KLHL13: variants seen among roughly 807,000 people sequenced by gnomAD.
The protein encoded by KLHL13 is kelch like family member 13.
Under a neutral mutation model 37.1 loss-of-function variants are expected in KLHL13, and 10 were observed. That is an observed-to-expected ratio of 0.27 (90% CI 0.17 to 0.46). The LOEUF is 0.46. Among genes scored for constraint, KLHL13 ranks in the 20% least tolerant of loss-of-function variants. The pLI is 1.00. For synonymous variants in KLHL13, 163 were observed against 181.2 expected, an observed-to-expected ratio of 0.90 and a Z score of 0.81; for missense variants, 360 against 509.3, an observed-to-expected ratio of 0.71 and a Z score of 2.82.
At chrX:117,973,309 C>T (rs928018278) in exon 1 of KLHL13, 1 of 969,228 alleles carries the variant, frequency 1.0e-6, no homozygotes, top group Admixed American at 3.0e-5. Flanking sequence ...CAACAACATA[C>T]CTACTCAGAA....
At chrX:118,022,263 A>G (rs1384479839) in intron 1 of KLHL13, among the ~76,000 whole-genome samples, 1 of 111,862 alleles carries the variant, frequency 8.9e-6, no homozygotes, top group Non-Finnish European at 1.9e-5. Context: ...AGTTGTTTCC[A>G]TATCTTAGCT....
At chrX:117,913,699 C>T (rs935766898) in intron 4 of KLHL13, among the ~76,000 whole-genome samples, 2 of 110,637 alleles carry the variant, frequency 1.8e-5, no homozygotes, top group African/African-American at 3.3e-5. Context: ...AAAAATTAGC[C>T]GGACGTGGTG....
rs1375097716 is a variant in KLHL13 at position 118,014,847 on chromosome X, G to T, written c.-55-69272C>A. Among the ~76,000 whole-genome samples the T allele has an allele frequency of 5.3e-5, 6 of 112,393 alleles. No homozygotes were observed. In the Admixed American group the frequency reaches 5.7e-4, roughly 11 times the overall value. ...AATATCTAATATTAAGACATTGTTT[G>T]TACCACAGAATGGCTTATGCCATGC... On this transcript the variant is annotated intron_variant, in intron 1 of 6. Transcript: ENST00000371882.
At position 118,025,843 on chromosome X, in the gene KLHL13, T is replaced by C. The variant is rs751609238; in HGVS notation, c.-55-80268A>G. On this transcript the variant is annotated intron_variant, in intron 1 of 6. Transcript: ENST00000371882. Reference sequence around the variant, plus strand: ...GAAGGAAGAAGCAGCTTGTGCTAGTTCTGCTGTCACACTCAAACTGCAAAA... The same window carrying C: ...GAAGGAAGAAGCAGCTTGTGCTAGTCCTGCTGTCACACTCAAACTGCAAAA... Among the ~76,000 whole-genome samples, 219 of 112,367 alleles carry C rather than the reference T, an allele frequency of 1.9e-3. 1 individual carries two copies. The highest frequency in any genetic ancestry group is 3.3e-3 in the Non-Finnish European group (177 of 53,303).
Position 117,899,428 on chromosome X carries a change from T to C in KLHL13, c.1481-33A>G, listed in dbSNP as rs186326444. 311 of 1,124,612 alleles carry C rather than the reference T, an allele frequency of 2.8e-4. 2 individuals carry two copies. In the East Asian group the frequency reaches 5.4e-3, roughly 19 times the overall value. 92.7% of individuals were successfully genotyped at this position (1,124,612 alleles called of 1,213,427 possible). The stretch of plus-strand genomic sequence containing the variant: ...ATGAAAACAATAGTTTTGAAGTAAA[T>C]AATTATAGAAATGCAAAAGTAATTA... On this transcript the variant is annotated intron_variant, in intron 6 of 6. Coordinates refer to ENST00000262820, the Ensembl canonical transcript of KLHL13.
intron 1 of KLHL13, among the ~76,000 whole-genome samples, chrX:117,999,101 A>G (rs2053890000): frequency 9.0e-6 from 1 of 110,731 alleles, no homozygotes; most frequent in Non-Finnish European, 1.9e-5. Flanking sequence ...GCAACCATTC[A>G]AAAGGTTCAA....
chrX:118,115,964 C>CA (rs2055463659), intron 1 of KLHL13, among the ~76,000 whole-genome samples: 1 of 111,894 alleles, frequency 8.9e-6, no homozygotes, highest in South Asian at 3.7e-4. Context: ...AACAAACAAA[C>CA]AAAAAAGTCA....
chrX:118,089,610 GAGAAAGAAAGAGAA>G (rs1298440480), intron 1 of KLHL13, among the ~76,000 whole-genome samples: 26 of 57,551 alleles, frequency 4.5e-4, no homozygotes, highest in African/African-American at 2.0e-3. Context: ...GAGAGAGAGA[GAGAAAGAAAGAGAA>G]AGAAAGAAAG....
chrX:118,023,384 G>A (rs936041073), intron 1 of KLHL13, among the ~76,000 whole-genome samples: 3 of 110,252 alleles, frequency 2.7e-5, no homozygotes, highest in African/African-American at 9.9e-5. Flanking sequence ...TAAGTTTTAG[G>A]GTACATGTCT....
intron 1 of KLHL13, among the ~76,000 whole-genome samples, chrX:118,031,893 G>A (rs867022867): frequency 2.8e-4 from 31 of 108,988 alleles, no homozygotes; most frequent in Admixed American, 5.0e-4. Context: ...TGCACCGTGC[G>A]CGAGCCGAAG....
chrX:117,967,008 T>C (rs1192040602), intron 1 of KLHL13, among the ~76,000 whole-genome samples: 1 of 111,630 alleles, frequency 9.0e-6, no homozygotes, highest in East Asian at 2.8e-4. Context: ...GGGCAAAGAC[T>C]TCATGTCTGA....
At chrX:117,999,980 C>T (rs1331444830) in intron 1 of KLHL13, among the ~76,000 whole-genome samples, 1 of 111,850 alleles carries the variant, frequency 8.9e-6, no homozygotes, top group Non-Finnish European at 1.9e-5. Flanking sequence ...ATAACTTCTT[C>T]TTTAAGATTA....
chrX:117,903,173 G>GAGAGAGAGAGAGA (rs1491190040), intron 5 of KLHL13, among the ~76,000 whole-genome samples: 1 of 96,707 alleles, frequency 1.0e-5, no homozygotes, highest in African/African-American at 4.4e-5. Flanking sequence ...GAGAGAGAGA[G>GAGAGAGAGAGAGA]GAGAGCGAGA....
chrX:118,081,617 C>T (rs781561342), intron 1 of KLHL13, among the ~76,000 whole-genome samples: 1 of 111,473 alleles, frequency 9.0e-6, no homozygotes, highest in South Asian at 3.8e-4. Flanking sequence ...AGTCTTCTAG[C>T]TATTTTGAAA....
intron 1 of KLHL13, among the ~76,000 whole-genome samples, chrX:118,112,915 T>C (rs1477160107): frequency 8.9e-6 from 1 of 112,274 alleles, no homozygotes; most frequent in Non-Finnish European, 1.9e-5. Context: ...AAGAAAATGA[T>C]AAGCCCTTCT....
At chrX:117,902,982 G>A (rs1476234466) in intron 5 of KLHL13, among the ~76,000 whole-genome samples, 1 of 110,247 alleles carries the variant, frequency 9.1e-6, no homozygotes, top group Non-Finnish European at 1.9e-5. Flanking sequence ...ATATAGTTCT[G>A]GGCAGCGACG....
chrX:118,040,097 C>T (rs1031626438), intron 1 of KLHL13, among the ~76,000 whole-genome samples: 1 of 111,278 alleles, frequency 9.0e-6, no homozygotes, highest in Non-Finnish European at 1.9e-5. Flanking sequence ...ATCACAACAC[C>T]CATGTCCCTT....
intron 1 of KLHL13, among the ~76,000 whole-genome samples, chrX:118,093,724 T>A (rs2055166281): frequency 1.8e-5 from 2 of 111,626 alleles, no homozygotes; most frequent in South Asian, 7.6e-4. Context: ...ATTACCTTCC[T>A]GAAATATTAT....
chrX:117,956,516 C>T (rs1165475878), intron 1 of KLHL13, among the ~76,000 whole-genome samples: 1 of 111,987 alleles, frequency 8.9e-6, no homozygotes, highest in Non-Finnish European at 1.9e-5. Flanking sequence ...ATAACTGGAG[C>T]GTTTTCAGAT....
Sources: gnomAD v4.1 joint callset for allele counts (sites outside exome capture counted in the v4.1 genomes callset) on GRCh38, gnomAD v4.1.1 for gene constraint, MANE v1.5 for transcripts, NCBI Gene and HGNC (gene_info 2026-07-23, HGNC 2026-07-21) for gene names.